Variants in KCNV2 observed in about 807,000 individuals in gnomAD.
The protein encoded by KCNV2 is potassium voltage-gated channel modifier subfamily V member 2.
A neutral mutation model predicts 37.0 loss-of-function variants in KCNV2; 65 were observed. The observed-to-expected ratio is 1.76, with a 90% CI of 1.44 to 2.16. The LOEUF is 2.16. Among genes scored for constraint, KCNV2 ranks in the 30% most tolerant of loss-of-function variants. The pLI, the probability that KCNV2 is intolerant of heterozygous loss-of-function variation, is 0.00. For missense variants in KCNV2, 1,232 were observed against 766.7 expected (o/e 1.61, Z -7.17); for synonymous variants, 518 against 328.6 (o/e 1.58, Z -6.23).
chr9:2,723,934 T>G (rs760512193), intron 1 of KCNV2, among the ~76,000 whole-genome samples: 21 of 150,644 alleles, frequency 1.4e-4, no homozygotes, highest in Non-Finnish European at 2.7e-4. Context: ...ATCATTGGCC[T>G]CCTGTGTGGG....
chr9:2,719,052 G>C lies in KCNV2; in HGVS notation c.1313G>C (p.Ser438Thr), dbSNP rs1819811907. 1 of 1,612,416 alleles carries C rather than the reference G, an allele frequency of 6.2e-7. No individual in the cohort carries two copies. Among genetic ancestry groups the C allele is most frequent in the Non-Finnish European group, 8.5e-7 (1 of 1,180,032 alleles). Residue 438 changes from serine to threonine, a missense_variant, in exon 1 of 2, where the codon AGC becomes ACC. Transcript: ENST00000382082. ...AVYSVEHDVP[S>T]TNFTTIPHSW... ...TACTCTGTGGAGCACGATGTGCCCAGCACCAACTTCACTACCATCCCCCAC... is the reference window on the plus strand; with the variant it reads ...TACTCTGTGGAGCACGATGTGCCCACCACCAACTTCACTACCATCCCCCAC...
In KCNV2 at chr9:2,718,566, C is replaced by A. The variant is rs199923365; in HGVS notation, c.827C>A (p.Ala276Glu). The change falls in exon 1 of 2, where the codon GCG (alanine) becomes GAG (glutamate). Residue 276 changes from alanine (A) to glutamate (E), a missense_variant. Physicochemically the swap from Ala to Glu is moderately radical, Grantham distance 107 (BLOSUM62 -1). Transcript: ENST00000382082. ...SSTFVLVSVV[A>E]LALNTVEEMQ... ...ACCTTCGTGCTCGTCTCCGTGGTGG[C>A]GCTGGCGCTCAACACCGTGGAGGAG... 6.2e-7 allele frequency: 1 copy of A among 1,612,432 alleles called. No homozygotes were observed. Among genetic ancestry groups the A allele is most frequent in the East Asian group, 2.2e-5 (1 of 44,824 alleles).
chr9:2,721,106 A>G (rs2130863401), intron 1 of KCNV2, among the ~76,000 whole-genome samples: 1 of 152,288 alleles, frequency 6.6e-6, no homozygotes, highest in African/African-American at 2.4e-5. Context: ...TATTGCTCTT[A>G]TCTGTATGAA....
rs1563795658 is a variant in KCNV2, at chr9:2,718,619, G to GGCGGCCCAGACCT, written c.889_901dup (p.Ile301ArgfsTer75). On this transcript the variant is annotated frameshift_variant, in exon 1 of 2. Coordinates refer to ENST00000382082, the MANE Select transcript of KCNV2 (RefSeq NM_133497.4). LOFTEE classifies it high-confidence loss of function. ...GCAGCAGCACTCGGGGCAGGGCGAG[G>GGCGGCCCAGACCT]GCGGCCCAGACCTGCGGCCCATCCT... 1.2e-6 allele frequency: 2 copies of GGCGGCCCAGACCT among 1,613,104 alleles called. No homozygotes were observed. Among genetic ancestry groups the GGCGGCCCAGACCT allele is most frequent in the Non-Finnish European group, 1.7e-6 (2 of 1,179,810 alleles).
intron 1 of KCNV2, among the ~76,000 whole-genome samples, chr9:2,719,745 G>A (rs1048334734): frequency 2.0e-5 from 3 of 152,228 alleles, no homozygotes; most frequent in African/African-American, 7.2e-5. Flanking sequence ...CTCACAGCTA[G>A]AGGTGGCAAA....
In KCNV2 at chr9:2,718,360, C is replaced by T. The variant is rs1161162951; in HGVS notation, c.621C>T (p.Arg207=). The change falls in exon 1 of 2, where the codon CGC becomes CGT. Residue 207 remains arginine (R), a synonymous_variant. Transcript: ENST00000382082. The stretch of plus-strand genomic sequence containing the variant: ...GCCGCATCTGCTTCGAGGAGCGGCG[C>T]GACGAGCTGAGCGAACGGCTCAAGA... ...RCCRICFEER[R]DELSERLKIQ... 1.3e-6 allele frequency: 2 copies of T among 1,598,892 alleles called. No individual in the cohort carries two copies. The highest frequency in any genetic ancestry group is 2.7e-5 in the African/African-American group (2 of 74,822).
Position 2,718,732 on chromosome 9 carries a change from G to C in KCNV2, c.993G>C (p.Ala331=). The C allele has an allele frequency of 6.2e-6, 10 of 1,612,446 alleles. No individual in the cohort carries two copies. The highest frequency in any genetic ancestry group is 7.6e-6 in the Non-Finnish European group (9 of 1,179,846). Residue 331 remains alanine (A), a synonymous_variant, in exon 1 of 2, where the codon GCG becomes GCC. Coordinates refer to ENST00000382082, the MANE Select transcript of KCNV2 (RefSeq NM_133497.4). The stretch of plus-strand genomic sequence containing the variant: ...CCACGCCCGACCTGAGGCGCTTCGC[G>C]CGCAGCGCCCTCAACCTGGTGGACC... The part of the protein sequence containing the change: ...LASTPDLRRF[A]RSALNLVDLV...
rs1305988267 is a variant in KCNV2, at chr9:2,722,456, AG to A, written c.1356+3362del. On this transcript the variant is annotated intron_variant, in intron 1 of 1. Coordinates refer to ENST00000382082, the MANE Select transcript of KCNV2 (RefSeq NM_133497.4). ...ATTTATAAATAAGTTATTTATAAAT[AG>A]AAGTTATTTATAAATAAGTTATTTA... Among the ~76,000 whole-genome samples, 4 of 141,144 alleles carry A rather than the reference AG, an allele frequency of 2.8e-5. 1 individual carries two copies. Among genetic ancestry groups the A allele is most frequent in the Admixed American group, 2.1e-4 (3 of 14,292 alleles). 92.6% of individuals were successfully genotyped at this position (141,144 alleles called of 152,430 possible).
At position 2,718,282 on chromosome 9, in the gene KCNV2, C is replaced by G; in HGVS notation, c.543C>G (p.Phe181Leu). The G allele has an allele frequency of 6.2e-7, 1 of 1,611,712 alleles. No individual in the cohort carries two copies. The highest frequency in any genetic ancestry group is 8.5e-7 in the Non-Finnish European group (1 of 1,179,796). Residue 181 changes from phenylalanine (F) to leucine (L), a missense_variant, in exon 1 of 2, where the codon TTC becomes TTG. Phe to Leu is a conservative substitution (Grantham distance 22). Transcript: ENST00000382082. ...LVLDGLCPRRFLEELGYWGVR... is the reference protein window; with the variant it reads ...LVLDGLCPRRLLEELGYWGVR... ...TCGACGGGCTGTGTCCGCGCCGCTT[C>G]CTGGAGGAGCTGGGCTACTGGGGCG... is the stretch of plus-strand genomic sequence containing the variant.
chr9:2,723,961 TAC>T (rs1819927078), intron 1 of KCNV2, among the ~76,000 whole-genome samples: 2 of 150,384 alleles, frequency 1.3e-5, no homozygotes, highest in African/African-American at 2.5e-5. Flanking sequence ...TTTTTTCTTT[TAC>T]TTTTTTTTTT....
In KCNV2 at chr9:2,717,634, C is replaced by G. The variant is rs1418764812; in HGVS notation, c.-106C>G. 86 of 1,465,360 alleles carry G rather than the reference C, an allele frequency of 5.9e-5. No homozygotes were observed. Among genetic ancestry groups the G allele is most frequent in the Non-Finnish European group, 7.8e-5 (82 of 1,051,806 alleles). 90.8% of individuals were successfully genotyped at this position (1,465,360 alleles called of 1,614,324 possible). ...GCTGTGCTGGTCCGGGCTGGCCTCT[C>G]TAAGACAGTGCAGGCCACGTGATCC... On this transcript the variant is annotated 5_prime_UTR_variant, in exon 1 of 2. Transcript: ENST00000382082.
chr9:2,722,166 T>A (rs868083467), intron 1 of KCNV2, among the ~76,000 whole-genome samples: 10 of 88,602 alleles, frequency 1.1e-4, no homozygotes, highest in African/African-American at 9.8e-5. Flanking sequence ...TATAAATAAA[T>A]TAGAAGTTAT....
intron 1 of KCNV2, among the ~76,000 whole-genome samples, chr9:2,722,236 TAAA>T (rs1239362535): frequency 1.4e-5 from 2 of 142,936 alleles, no homozygotes; most frequent in Admixed American, 1.4e-4. Context: ...TATTTATAAA[TAAA>T]TTAGAAGTTA....
intron 1 of KCNV2, among the ~76,000 whole-genome samples, chr9:2,726,141 C>A (rs1458621149): frequency 1.3e-5 from 2 of 152,118 alleles, no homozygotes; most frequent in African/African-American, 4.8e-5. Context: ...CAGTCTGGGG[C>A]CTTCAGCTTT....
intron 1 of KCNV2, among the ~76,000 whole-genome samples, chr9:2,728,407 C>G (rs561736730): frequency 6.6e-6 from 1 of 152,148 alleles, no homozygotes; most frequent in Non-Finnish European, 1.5e-5. Context: ...CTCTGGGGAT[C>G]AGAGGGAGTA....
intron 1 of KCNV2, 64 bp downstream of exon 1, chr9:2,719,159 C>G (rs1233889945): frequency 6.4e-7 from 1 of 1,569,342 alleles, no homozygotes; most frequent in Non-Finnish European, 8.6e-7. Context: ...CTCCTCCCTC[C>G]CCTGGTTATC....
Position 2,721,987 on chromosome 9 carries a change from G to T in KCNV2, c.1356+2892G>T, listed in dbSNP as rs192771612. Among the ~76,000 whole-genome samples the T allele has an allele frequency of 3.7e-3, 553 of 149,360 alleles. 6 individuals carry two copies. The highest frequency in any genetic ancestry group is 5.3e-3 in the Non-Finnish European group (358 of 67,292). On this transcript the variant is annotated intron_variant, in intron 1 of 1. Coordinates refer to ENST00000382082, the MANE Select transcript of KCNV2 (RefSeq NM_133497.4). Reference sequence around the variant, plus strand: ...TCATGCATCTTATTTTTAAAAATTTGGGGCACATACCCATGATAAATGTGT... The same window carrying T: ...TCATGCATCTTATTTTTAAAAATTTTGGGCACATACCCATGATAAATGTGT...
intron 1 of KCNV2, among the ~76,000 whole-genome samples, chr9:2,720,017 G>C (rs1218190697): frequency 6.6e-6 from 1 of 152,358 alleles, no homozygotes; most frequent in Non-Finnish European, 1.5e-5. Flanking sequence ...CGATGAATAA[G>C]TCGGCATATA....
Position 2,718,676 on chromosome 9 carries a change from T to G in KCNV2, c.937T>G (p.Phe313Val), listed in dbSNP as rs763427926. The change falls in exon 1 of 2, where the codon TTC becomes GTC. Residue 313 changes from phenylalanine (F) to valine (V), a missense_variant. By Grantham distance (50) the Phe-to-Val change is conservative. Coordinates refer to ENST00000382082, the MANE Select transcript of KCNV2 (RefSeq NM_133497.4). ...EHVEMLCMGFFTLEYLLRLAS... is the reference protein window; with the variant it reads ...EHVEMLCMGFVTLEYLLRLAS... ...CGTGGAGATGCTGTGCATGGGCTTC[T>G]TCACGCTCGAGTACCTGCTGCGCCT... is the stretch of plus-strand genomic sequence containing the variant. The G allele has an allele frequency of 2.5e-6, 4 of 1,613,356 alleles. No individual in the cohort carries two copies. Among genetic ancestry groups the G allele is most frequent in the Non-Finnish European group, 3.4e-6 (4 of 1,179,834 alleles).
Sources: allele counts gnomAD v4.1 joint callset (sites outside exome capture counted in the v4.1 genomes callset), GRCh38; gene constraint gnomAD v4.1.1; transcripts MANE v1.5; gene names NCBI Gene and HGNC (gene_info 2026-07-23, HGNC 2026-07-21).